CAMTA1: variants seen among roughly 807,000 people sequenced by gnomAD.
The protein encoded by CAMTA1 is calmodulin binding transcription activator 1.
Under a neutral mutation model 170.9 loss-of-function variants are expected in CAMTA1, and 27 were observed. The observed-to-expected ratio is 0.16, with a 90% CI of 0.12 to 0.22. The LOEUF (loss-of-function observed/expected upper bound fraction) is 0.22, where lower values mean the gene tolerates loss of function less well. CAMTA1 is among the 10% of genes least tolerant of loss of function. The probability of loss-of-function intolerance (pLI) is 1.00; values close to 1 mark genes in which losing one functional copy is unlikely to be tolerated. For synonymous variants in CAMTA1, 833 were observed against 891.5 expected (o/e 0.93, Z 1.17); for missense variants, 1,619 against 2,217.2 (o/e 0.73, Z 5.42).
At chr1:7,622,496 C>T (rs1468121432) in intron 6 of CAMTA1, among the ~76,000 whole-genome samples, 1 of 152,172 alleles carries the variant, frequency 6.6e-6, no homozygotes, top group African/African-American at 2.4e-5. Context: ...TCATTATAAC[C>T]CATCATTGAC....
rs564005620 is a variant in CAMTA1 at position 7,510,630 on chromosome 1, G to A, written c.510+42729G>A. ...CCATCAACAATCCATCAGAAATGAC[G>A]TCAAGAATCTTTCAAGTGATGAAAT... On this transcript the variant is annotated intron_variant, in intron 6 of 22. Coordinates refer to ENST00000303635, the MANE Select transcript of CAMTA1 (RefSeq NM_015215.4). Among the ~76,000 whole-genome samples the A allele has an allele frequency of 1.9e-4, 28 of 146,608 alleles. 2 individuals are homozygous for A. In the South Asian group the frequency reaches 5.1e-3, roughly 27 times the overall value.
intron 3 of CAMTA1, among the ~76,000 whole-genome samples, chr1:6,830,113 T>C (rs950141383): frequency 3.9e-5 from 6 of 151,906 alleles, no homozygotes; most frequent in Non-Finnish European, 7.4e-5. Flanking sequence ...CTCCGCTCAC[T>C]GCAAGCTCCG....
At chr1:7,020,268 C>T (rs752370043) in intron 3 of CAMTA1, among the ~76,000 whole-genome samples, 12 of 152,168 alleles carry the variant, frequency 7.9e-5, no homozygotes, top group Non-Finnish European at 1.2e-4. Context: ...AAGATGCTAA[C>T]GCTATATTTT....
chr1:6,871,845 C>A, intron 3 of CAMTA1: 1 of 1,467,952 alleles, frequency 6.8e-7, no homozygotes, highest in Non-Finnish European at 8.9e-7. Context: ...ACCTTGGTAA[C>A]CATTTCATTT....
chr1:7,001,328 C>T (rs962321116), intron 3 of CAMTA1, among the ~76,000 whole-genome samples: 2 of 152,194 alleles, frequency 1.3e-5, no homozygotes, highest in African/African-American at 4.8e-5. Flanking sequence ...ACAAATGACA[C>T]CGTTAGTAAC....
chr1:6,840,302 G>A (rs1401689315), intron 3 of CAMTA1, among the ~76,000 whole-genome samples: 3 of 152,198 alleles, frequency 2.0e-5, no homozygotes, highest in Non-Finnish European at 4.4e-5. Flanking sequence ...ATGTTCAAAG[G>A]CTTTCTTGGC....
intron 3 of CAMTA1, among the ~76,000 whole-genome samples, chr1:6,983,979 TGAGTGGATAGATGGATGGATGGATGGAG>T (rs1694877766): frequency 8.6e-6 from 1 of 116,426 alleles, no homozygotes; most frequent in Non-Finnish European, 1.8e-5. Flanking sequence ...GTTGGGTGGA[TGAGTGGATAGATGGATGGATGGATGGAG>T]GGATGGGTGG....
At chr1:7,753,917 G>A (rs938266538) in intron 21 of CAMTA1, among the ~76,000 whole-genome samples, 1 of 152,192 alleles carries the variant, frequency 6.6e-6, no homozygotes, top group African/African-American at 2.4e-5. Context: ...CCCAAAACGG[G>A]TATGGCTCTA....
rs184867224 is a variant in CAMTA1, at chr1:6,967,694, G to A, written c.235-123610G>A. ...CCAGCATTTGAAAAGTCTGGGCTGA[G>A]GCTGCTGTGGAGAGGAAGCAATTGT... On this transcript the variant is annotated intron_variant, in intron 3 of 22. Coordinates refer to ENST00000303635, the MANE Select transcript of CAMTA1 (RefSeq NM_015215.4). Among the ~76,000 whole-genome samples, 11 of 152,358 alleles carry A rather than the reference G, an allele frequency of 7.2e-5. No homozygotes were observed. The East Asian group carries it at 1.9e-3, about 27-fold the overall frequency.
chr1:7,176,390 T>C (rs1650835693), intron 4 of CAMTA1, among the ~76,000 whole-genome samples: 1 of 152,212 alleles, frequency 6.6e-6, no homozygotes, highest in Non-Finnish European at 1.5e-5. Flanking sequence ...TGTAGGCTGC[T>C]AACTCCTTCC....
intron 5 of CAMTA1, among the ~76,000 whole-genome samples, chr1:7,393,775 C>G (rs1450768571): frequency 6.6e-6 from 1 of 152,130 alleles, no homozygotes; most frequent in Admixed American, 6.6e-5. Context: ...CATAGTCTCC[C>G]TAGTATGCTA....
intron 5 of CAMTA1, among the ~76,000 whole-genome samples, chr1:7,465,474 G>T (rs367673800): frequency 7.3e-6 from 1 of 136,206 alleles, no homozygotes; most frequent in African/African-American, 3.0e-5. Flanking sequence ...CAGGGACCAC[G>T]CTTCTCATCC....
chr1:7,569,653 A>G lies in CAMTA1; in HGVS notation c.511-70747A>G, dbSNP rs574022132. On this transcript the variant is annotated intron_variant, in intron 6 of 22. Transcript: ENST00000303635. ...CATCATCATGATCACTATCACCATC[A>G]TCATATTATTACTATTACCATCACT... Among the ~76,000 whole-genome samples, 308 of 150,126 alleles carry G rather than the reference A, an allele frequency of 2.1e-3. 1 individual carries two copies. Among genetic ancestry groups the G allele is most frequent in the African/African-American group, 6.7e-3 (266 of 39,664 alleles).
chr1:7,103,841 C>T (rs1558102938), intron 4 of CAMTA1, among the ~76,000 whole-genome samples: 24 of 128,720 alleles, frequency 1.9e-4, no homozygotes, highest in Non-Finnish European at 2.7e-4. Flanking sequence ...CAACTACACA[C>T]ATGTACACAC....
intron 3 of CAMTA1, among the ~76,000 whole-genome samples, chr1:6,828,286 C>CTTTTTTTTTTTTTTTT (rs746522147): frequency 1.4e-5 from 1 of 69,714 alleles, no homozygotes; most frequent in Non-Finnish European, 2.5e-5. Context: ...TCATTCCATC[C>CTTTTTTTTTTTTTTTT]TTTTTTTTTT....
chr1:6,854,095 C>G (rs1456593069), intron 3 of CAMTA1, among the ~76,000 whole-genome samples: 2 of 152,276 alleles, frequency 1.3e-5, no homozygotes, highest in East Asian at 1.9e-4. Flanking sequence ...TCTAGACGTA[C>G]TACTGTCCTG....
intron 6 of CAMTA1, among the ~76,000 whole-genome samples, chr1:7,484,961 C>T (rs1446212876): frequency 1.3e-5 from 2 of 152,168 alleles, no homozygotes; most frequent in African/African-American, 4.8e-5. Flanking sequence ...CAGGCCACTG[C>T]TTCCAGCATT....
intron 3 of CAMTA1, among the ~76,000 whole-genome samples, chr1:6,943,872 A>AAAAAAAAAAAAAAGAAAG (rs1687144787): frequency 7.1e-6 from 1 of 140,534 alleles, no homozygotes; most frequent in Non-Finnish European, 1.5e-5. Context: ...AAAAAAAGAA[A>AAAAAAAAAAAAAAGAAAG]AAAATACACA....
At chr1:7,098,161 A>C (rs1339992407) in intron 4 of CAMTA1, among the ~76,000 whole-genome samples, 1 of 151,970 alleles carries the variant, frequency 6.6e-6, no homozygotes, top group Non-Finnish European at 1.5e-5. Flanking sequence ...GTGCATGTGC[A>C]GGGGGTGCTG....
Sources: allele counts gnomAD v4.1 joint callset (sites outside exome capture counted in the v4.1 genomes callset), GRCh38; gene constraint gnomAD v4.1.1; transcripts MANE v1.5; gene names NCBI Gene and HGNC (gene_info 2026-07-23, HGNC 2026-07-21).